PPA2: variants seen among roughly 807,000 people sequenced by gnomAD.
The protein encoded by PPA2 is inorganic pyrophosphatase 2, mitochondrial.
PPA2 carries 48 observed loss-of-function variants against 49.5 expected under a neutral mutation model. The ratio of observed to expected loss-of-function variants is 0.97; its 90% confidence interval spans 0.77 to 1.23. The LOEUF (loss-of-function observed/expected upper bound fraction) is 1.23. Ranked by LOEUF, PPA2 falls within the 50% of genes most tolerant of loss-of-function variation. The pLI, the probability that PPA2 is intolerant of heterozygous loss-of-function variation, is 0.00. For synonymous variants in PPA2, 131 were observed against 139.9 expected, an observed-to-expected ratio of 0.94 and a Z score of 0.45; for missense variants, 429 against 410.1, an observed-to-expected ratio of 1.05 and a Z score of -0.40.
chr4:105,428,954 T>C (rs1560626983), intron 6 of PPA2, among the ~76,000 whole-genome samples: 1 of 152,218 alleles, frequency 6.6e-6, no homozygotes, highest in Non-Finnish European at 1.5e-5. Flanking sequence ...TATAAATACC[T>C]TGTGGTTTAA....
At chr4:105,400,713 T>G (rs1734330598) in intron 7 of PPA2, among the ~76,000 whole-genome samples, 1 of 152,194 alleles carries the variant, frequency 6.6e-6, no homozygotes, top group Non-Finnish European at 1.5e-5. Context: ...ATATAACTTT[T>G]ACAAATCATA....
intron 1 of PPA2, chr4:105,473,490 G>T: frequency 2.4e-6 from 1 of 422,016 alleles, no homozygotes; most frequent in South Asian, 1.8e-5. Context: ...GAAGGCCGGC[G>T]TGTGGGCGGG....
chr4:105,455,164 G>A (rs570707668), intron 2 of PPA2, among the ~76,000 whole-genome samples: 6 of 152,278 alleles, frequency 3.9e-5, no homozygotes, highest in African/African-American at 1.4e-4. Context: ...CTCATAATAA[G>A]CATTCAATGA....
intron 1 of PPA2, among the ~76,000 whole-genome samples, chr4:105,464,987 T>C (rs796559279): frequency 7.9e-5 from 12 of 152,354 alleles, no homozygotes; most frequent in African/African-American, 2.6e-4. Context: ...TCAAGGCTGA[T>C]AGAATGTTCT....
chr4:105,451,261 G>A (rs1468802505), intron 3 of PPA2, among the ~76,000 whole-genome samples: 1 of 152,130 alleles, frequency 6.6e-6, no homozygotes, highest in Admixed American at 6.5e-5. Context: ...AACATGGAAT[G>A]CTGTTATTTC....
At chr4:105,403,117 G>C (rs943731607) in intron 7 of PPA2, among the ~76,000 whole-genome samples, 4 of 151,998 alleles carry the variant, frequency 2.6e-5, no homozygotes, top group African/African-American at 4.8e-5. Context: ...TTGACTTCCA[G>C]GGCTCAATCA....
Position 105,369,599 on chromosome 4 carries a change from A to G in PPA2, c.*126T>C. 1 of 792,818 alleles carries G rather than the reference A, an allele frequency of 1.3e-6. No homozygotes were observed. The allele number at this position is 792,818 out of a possible 1,614,324, so 49.1% of individuals were successfully genotyped here. ...CTTACTGTTTATTTATATATTGCAT[A>G]GCTCAAAAAGTTTGAAAAAATGAAG... is the stretch of plus-strand genomic sequence containing the variant. On this transcript the variant is annotated 3_prime_UTR_variant, in exon 12 of 12. Transcript: ENST00000341695.
At chr4:105,402,232 C>A (rs1161146971) in intron 7 of PPA2, among the ~76,000 whole-genome samples, 2 of 151,188 alleles carry the variant, frequency 1.3e-5, no homozygotes, top group Non-Finnish European at 2.9e-5. Flanking sequence ...CATAGTGAGA[C>A]CCCATCTAAA....
intron 1 of PPA2, among the ~76,000 whole-genome samples, chr4:105,456,996 C>A (rs1722899406): frequency 6.6e-6 from 1 of 151,860 alleles, no homozygotes; most frequent in Non-Finnish European, 1.5e-5. Flanking sequence ...CTTAAAATAT[C>A]CAAAGCAGAA....
chr4:105,411,752 C>A (rs575710594), intron 7 of PPA2, among the ~76,000 whole-genome samples: 8 of 152,202 alleles, frequency 5.3e-5, no homozygotes, highest in Non-Finnish European at 8.8e-5. Flanking sequence ...TCTCAGGATA[C>A]AAAATCAATG....
intron 10 of PPA2, among the ~76,000 whole-genome samples, chr4:105,379,750 C>T (rs533561376): frequency 6.6e-6 from 1 of 151,480 alleles, no homozygotes; most frequent in African/African-American, 2.4e-5. Flanking sequence ...TATCCTGCTT[C>T]AGACTCCTGA....
intron 6 of PPA2, among the ~76,000 whole-genome samples, 175 bp from the exon 7 acceptor site, chr4:105,424,497 C>G (rs1723401322): frequency 6.6e-6 from 1 of 152,120 alleles, no homozygotes; most frequent in South Asian, 2.1e-4. Flanking sequence ...TTAGAGTTAA[C>G]TTTCTCAAAA....
At chr4:105,370,483 G>C in intron 11 of PPA2, 1 of 454,772 alleles carries the variant, frequency 2.2e-6, no homozygotes, top group Non-Finnish European at 2.9e-6. Context: ...GCTAAAATAA[G>C]TGATTCATTA....
At chr4:105,470,343 G>A (rs548677060) in intron 1 of PPA2, among the ~76,000 whole-genome samples, 12 of 152,218 alleles carry the variant, frequency 7.9e-5, no homozygotes, top group East Asian at 5.8e-4. Context: ...CTAGGAAGCC[G>A]GGCACAGTGG....
At chr4:105,399,325 T>A in intron 7 of PPA2, 161 bp from the exon 8 acceptor site, 1 of 603,170 alleles carries the variant, frequency 1.7e-6, no homozygotes, top group Non-Finnish European at 2.8e-6. Flanking sequence ...GATATGTATA[T>A]CACCTTCAGA....
intron 8 of PPA2, among the ~76,000 whole-genome samples, chr4:105,397,292 T>C (rs1366920722): frequency 6.6e-6 from 1 of 152,182 alleles, no homozygotes; most frequent in African/African-American, 2.4e-5. Context: ...GGTCTACGAT[T>C]GCCTGCGATG....
chr4:105,392,424 G>A (rs1020670681), intron 9 of PPA2, among the ~76,000 whole-genome samples: 2 of 152,044 alleles, frequency 1.3e-5, no homozygotes, highest in African/African-American at 4.8e-5. Flanking sequence ...TGTAATCCCC[G>A]CACTTTGGGA....
intron 9 of PPA2, among the ~76,000 whole-genome samples, chr4:105,391,713 A>T (rs1733929387): frequency 6.6e-6 from 1 of 152,196 alleles, no homozygotes; most frequent in Non-Finnish European, 1.5e-5. Context: ...CTGGAAAGGC[A>T]GGTTTGGACA....
Position 105,413,779 on chromosome 4 carries a change from T to C in PPA2, c.655+10417A>G, listed in dbSNP as rs144824618. Among the ~76,000 whole-genome samples the C allele has an allele frequency of 3.0e-3, 451 of 152,088 alleles. 5 individuals are homozygous for C. The highest frequency in any genetic ancestry group is 0.01 in the African/African-American group (435 of 41,472). On this transcript the variant is annotated intron_variant, in intron 7 of 11. Transcript: ENST00000341695. ...AGACTCGATTGTAAAGATAATAAAATACAAGAGTGAAAAGAAAATAAAAAC... is the reference window on the plus strand; with the variant it reads ...AGACTCGATTGTAAAGATAATAAAACACAAGAGTGAAAAGAAAATAAAAAC...
Sources: gnomAD v4.1 joint callset for allele counts (sites outside exome capture counted in the v4.1 genomes callset) on GRCh38, gnomAD v4.1.1 for gene constraint, MANE v1.5 for transcripts, NCBI Gene and HGNC (gene_info 2026-07-23, HGNC 2026-07-21) for gene names.